Variants in ANK3 observed in about 807,000 individuals in gnomAD.
The protein encoded by ANK3 is ankyrin-3.
A neutral mutation model predicts 370.9 loss-of-function variants in ANK3; 57 were observed. That is an observed-to-expected ratio of 0.15 (90% CI 0.12 to 0.19). The LOEUF (loss-of-function observed/expected upper bound fraction) is 0.19, where lower values mean the gene tolerates loss of function less well. Ranked by LOEUF, ANK3 falls within the 10% of genes least tolerant of loss-of-function variation. The pLI is 1.00. For missense variants in ANK3, 4,439 were observed against 5,302.1 expected (o/e 0.84, Z 5.06); for synonymous variants, 1,929 against 1,946.3 (o/e 0.99, Z 0.23).
chr10:60,112,891 T>C (rs974094834), intron 26 of ANK3, among the ~76,000 whole-genome samples: 1 of 152,210 alleles, frequency 6.6e-6, no homozygotes, highest in Admixed American at 6.5e-5. Flanking sequence ...AATCTGCCCT[T>C]GTCCTTGATC....
intron 2 of ANK3, among the ~76,000 whole-genome samples, chr10:60,403,338 GT>G (rs2063389862): frequency 1.3e-5 from 2 of 152,152 alleles, no homozygotes; most frequent in South Asian, 4.1e-4. Context: ...ACTTCAATTT[GT>G]TTTATGAGGC....
In ANK3 at chr10:60,374,396, C is replaced by T. The variant is rs533579531; in HGVS notation, c.114+15029G>A. Among the ~76,000 whole-genome samples the T allele has an allele frequency of 3.9e-5, 6 of 152,172 alleles. No homozygotes were observed. The South Asian group carries it at 8.3e-4, about 21-fold the overall frequency. ...AATTCCTTCCAGCTGGATAAACTAG[C>T]ATTTCAGGAAGAGGGTGAGGCAGGA... On this transcript the variant is annotated intron_variant, in intron 1 of 43. Transcript: ENST00000280772.
Position 60,173,074 on chromosome 10 carries a change from A to T in ANK3, c.2283+14T>A. On this transcript the variant is annotated intron_variant, in intron 19 of 43. Transcript: ENST00000280772. ...TAAATGATTCTGGCAGAAACAAAAA[A>T]GGAAGGAGCTTACCTTTGTTTTGGC... 6 of 1,611,472 alleles carry T rather than the reference A, an allele frequency of 3.7e-6. No homozygotes were observed. Among genetic ancestry groups the T allele is most frequent in the Non-Finnish European group, 5.1e-6 (6 of 1,178,708 alleles).
At chr10:60,228,532 C>CAA (rs72450397) in intron 8 of ANK3, among the ~76,000 whole-genome samples, 7,728 of 94,642 alleles carry the variant, frequency 0.082, 487 homozygotes, top group East Asian at 0.3. Context: ...ACTGTGTCTC[C>CAA]AAAAAAAAAA....
intron 40 of ANK3, chr10:60,060,010 T>C: frequency 6.4e-7 from 1 of 1,565,526 alleles, no homozygotes; most frequent in East Asian, 2.3e-5. Context: ...GGATAACCTA[T>C]GGAAGACAGT....
intron 2 of ANK3, among the ~76,000 whole-genome samples, chr10:60,482,492 A>G (rs2075248366): frequency 7.0e-6 from 1 of 142,058 alleles, no homozygotes; most frequent in Non-Finnish European, 1.5e-5. Flanking sequence ...ACTCTCTAAC[A>G]ACATTTTTTT....
Position 60,108,354 on chromosome 10 carries a change from A to G in ANK3, c.3173+476T>C, listed in dbSNP as rs535702603. On this transcript the variant is annotated intron_variant, in intron 27 of 43. Transcript: ENST00000280772. ...AATTGTGAACAAACTGTCAGTCACG[A>G]CAGAGCCTGCCTGATTTGTACCCAA... 9 of 269,942 alleles carry G rather than the reference A, an allele frequency of 3.3e-5. No individual in the cohort carries two copies. The East Asian group carries it at 9.2e-4, about 28-fold the overall frequency. The allele number at this position is 269,942 out of a possible 1,614,324, so 16.7% of individuals were successfully genotyped here. A position where few individuals can be genotyped will look rare whatever the true frequency, so the allele number is the denominator to read the frequency against.
intron 1 of ANK3, among the ~76,000 whole-genome samples, chr10:60,724,477 C>T (rs992674928): frequency 6.6e-6 from 1 of 152,056 alleles, no homozygotes; most frequent in Admixed American, 6.6e-5. Flanking sequence ...ATACACATAG[C>T]AAACTATTTT....
At chr10:60,447,695 C>G (rs1259933519) in intron 2 of ANK3, among the ~76,000 whole-genome samples, 1 of 152,114 alleles carries the variant, frequency 6.6e-6, no homozygotes, top group Non-Finnish European at 1.5e-5. Context: ...AAACTAGTCT[C>G]TTGCCCTCTA....
At chr10:60,063,024 TA>T (rs753150599) in intron 40 of ANK3, 86 bp downstream of exon 40, 8 of 1,313,026 alleles carry the variant, frequency 6.1e-6, no homozygotes, top group Non-Finnish European at 8.2e-6. Context: ...AATCACAGTT[TA>T]GTTGCTTTTA....
At chr10:60,606,872 G>C (rs1595344708) in intron 2 of ANK3, among the ~76,000 whole-genome samples, 1 of 152,162 alleles carries the variant, frequency 6.6e-6, no homozygotes, top group African/African-American at 2.4e-5. Flanking sequence ...CAACAGCTAA[G>C]TCTACTAGCA....
Position 60,330,988 on chromosome 10 carries a change from T to C in ANK3, c.115-51349A>G, listed in dbSNP as rs181296791. Among the ~76,000 whole-genome samples, 813 of 152,054 alleles carry C rather than the reference T, an allele frequency of 5.3e-3. 8 individuals are homozygous for C. Among genetic ancestry groups the C allele is most frequent in the African/African-American group, 0.019 (773 of 41,472 alleles). ...GCAGGGACATGGATGAAGCTGGAAA[T>C]CATTATTCTCAGCAAACTAACCACA... On this transcript the variant is annotated intron_variant, in intron 1 of 43. Coordinates refer to ENST00000280772, the MANE Select transcript of ANK3 (RefSeq NM_020987.5).
chr10:60,614,186 T>A (rs2078238291), intron 2 of ANK3, among the ~76,000 whole-genome samples: 2 of 152,190 alleles, frequency 1.3e-5, no homozygotes, highest in Admixed American at 6.5e-5. Context: ...TAATAGTTAG[T>A]TTAATCATAT....
chr10:60,431,352 T>A (rs1415213848), intron 2 of ANK3, among the ~76,000 whole-genome samples: 1 of 152,140 alleles, frequency 6.6e-6, no homozygotes, highest in Non-Finnish European at 1.5e-5. Context: ...CCTCTGAGAC[T>A]CTAATGCCGC....
At chr10:60,391,220 G>A (rs546230302), upstream of ANK3, among the ~76,000 whole-genome samples, 55 of 152,280 alleles carry the variant, frequency 3.6e-4, 1 homozygote, top group South Asian at 0.011. Flanking sequence ...GGGAAACCAC[G>A]CTGGTCATAG....
intron 1 of ANK3, among the ~76,000 whole-genome samples, chr10:60,712,926 T>C (rs1589064565): frequency 6.6e-6 from 1 of 152,176 alleles, no homozygotes; most frequent in Non-Finnish European, 1.5e-5. Context: ...TTAATATGTA[T>C]AGGTCTAAAA....
At chr10:60,465,707 T>A (rs1345656401) in intron 2 of ANK3, among the ~76,000 whole-genome samples, 1 of 151,854 alleles carries the variant, frequency 6.6e-6, no homozygotes, top group Non-Finnish European at 1.5e-5. Context: ...CGAAATAAAC[T>A]CAATAGTAAA....
At chr10:60,445,485 TAA>T (rs72114286) in intron 2 of ANK3, among the ~76,000 whole-genome samples, 1 of 148,100 alleles carries the variant, frequency 6.8e-6, no homozygotes, top group East Asian at 2.0e-4. Context: ...AATAGTGATT[TAA>T]AAAAAAAAAT....
intron 1 of ANK3, among the ~76,000 whole-genome samples, chr10:60,361,047 C>T (rs1266793346): frequency 6.6e-6 from 1 of 152,126 alleles, no homozygotes; most frequent in African/African-American, 2.4e-5. Flanking sequence ...AAAATCTTTA[C>T]TAGTCTGAAA....
Sources: allele counts gnomAD v4.1 joint callset (sites outside exome capture counted in the v4.1 genomes callset), GRCh38; gene constraint gnomAD v4.1.1; transcripts MANE v1.5; gene names NCBI Gene and HGNC (gene_info 2026-07-23, HGNC 2026-07-21).